The following RAB40C variants were observed in gnomAD, a reference collection of about 807,000 sequenced individuals.
RAB40C encodes RAB40C, member RAS oncogene family, also known as ras-related protein Rab-40C.
Under a neutral mutation model 28.1 loss-of-function variants are expected in RAB40C, and 8 were observed. The ratio of observed to expected loss-of-function variants is 0.28; its 90% CI spans 0.17 to 0.51. The LOEUF (loss-of-function observed/expected upper bound fraction) is 0.51, where lower values mean the gene tolerates loss of function less well. Among genes scored for constraint, RAB40C ranks in the 20% least tolerant of loss-of-function variants. The pLI is 0.97. For synonymous variants in RAB40C, 201 were observed against 171.7 expected, an observed-to-expected ratio of 1.17 and a Z score of -1.34; for missense variants, 288 against 405.9, an observed-to-expected ratio of 0.71 and a Z score of 2.50.
intron 1 of RAB40C, among the ~76,000 whole-genome samples, chr16:604,935 G>A (rs955876105): frequency 1.3e-5 from 2 of 152,116 alleles, no homozygotes; most frequent in South Asian, 2.1e-4. Flanking sequence ...GGTGGTGCTT[G>A]TGGTCCCAGT....
At chr16:590,493 C>T (rs2035967835) in intron 1 of RAB40C, 60 bp downstream of exon 1, 3 of 1,438,048 alleles carry the variant, frequency 2.1e-6, no homozygotes, top group African/African-American at 1.5e-5. Context: ...GAGCTGGGCA[C>T]GGAGCTCGCC....
chr16:598,786 G>A (rs2036187879), intron 1 of RAB40C, among the ~76,000 whole-genome samples: 1 of 152,078 alleles, frequency 6.6e-6, no homozygotes, highest in South Asian at 2.1e-4. Flanking sequence ...GAGAAGAGCT[G>A]AGTCCTGGAA....
intron 3 of RAB40C, 52 bp from the exon 4 acceptor site, chr16:625,380 G>A: frequency 6.3e-7 from 1 of 1,594,022 alleles, no homozygotes. Context: ...CCTGGGCCTG[G>A]GCTGGCCATG....
At chr16:608,890 A>C (rs1457583621) in intron 1 of RAB40C, among the ~76,000 whole-genome samples, 1 of 152,158 alleles carries the variant, frequency 6.6e-6, no homozygotes, top group Non-Finnish European at 1.5e-5. Context: ...CAAGGTGGGC[A>C]GATTGCTTGA....
intron 3 of RAB40C, among the ~76,000 whole-genome samples, chr16:620,360 G>T (rs1019067403): frequency 2.7e-5 from 4 of 147,780 alleles, no homozygotes; most frequent in Non-Finnish European, 2.9e-5. Context: ...GCCATTGCAC[G>T]CCAACCTGGG....
chr16:611,636 G>T (rs1250165806), intron 1 of RAB40C, among the ~76,000 whole-genome samples: 1 of 147,846 alleles, frequency 6.8e-6, no homozygotes, highest in African/African-American at 2.5e-5. Flanking sequence ...AGCAGGGACA[G>T]CCGCCCTGGC....
chr16:597,731 C>T (rs931823651), intron 1 of RAB40C, among the ~76,000 whole-genome samples: 2 of 150,792 alleles, frequency 1.3e-5, no homozygotes, highest in South Asian at 4.2e-4. Context: ...TCAAGCAATC[C>T]GCCCGCCTCA....
intron 3 of RAB40C, among the ~76,000 whole-genome samples, chr16:623,636 CAAAAAAA>C: frequency 1.0e-5 from 1 of 98,228 alleles, no homozygotes; most frequent in South Asian, 3.2e-4. Context: ...GACTCCGTCT[CAAAAAAA>C]AAAAAAAAAG....
intron 5 of RAB40C, among the ~76,000 whole-genome samples, chr16:626,739 A>G (rs1263246421): frequency 6.6e-6 from 1 of 152,174 alleles, no homozygotes; most frequent in Non-Finnish European, 1.5e-5. Flanking sequence ...GGACTTCGAG[A>G]CCAGCCTGGC....
chr16:628,338 TTC>T lies in RAB40C; in HGVS notation c.*717_*718del, dbSNP rs1567196651. On this transcript the variant is annotated 3_prime_UTR_variant, in exon 6 of 6. Transcript: ENST00000248139. ...AACCTTCCTGCTGTGATGTGACACC[TTC>T]GGGGACATTGACCACTCAAAACTCA... The T allele has an allele frequency of 2.6e-4, 38 of 143,920 alleles. No homozygotes were observed. Among genetic ancestry groups the T allele is most frequent in the African/African-American group, 1.0e-3 (35 of 34,230 alleles). The allele number at this position is 143,920 out of a possible 1,614,324, so 8.9% of individuals were successfully genotyped here. A position where few individuals can be genotyped will look rare whatever the true frequency, so the allele number is the denominator to read the frequency against.
At chr16:624,330 AC>A in intron 3 of RAB40C, 1 of 985,386 alleles carries the variant, frequency 1.0e-6, no homozygotes, top group Non-Finnish European at 1.2e-6. Flanking sequence ...TCCAGGGTTA[AC>A]CCCTGGGTGT....
At chr16:592,742 T>C (rs2036029455) in intron 1 of RAB40C, among the ~76,000 whole-genome samples, 3 of 152,236 alleles carry the variant, frequency 2.0e-5, no homozygotes, top group Non-Finnish European at 2.9e-5. Context: ...CAATCGGTGT[T>C]TTCCCAGGAC....
At chr16:609,379 C>T (rs928346032) in intron 1 of RAB40C, among the ~76,000 whole-genome samples, 4 of 152,098 alleles carry the variant, frequency 2.6e-5, no homozygotes, top group African/African-American at 9.7e-5. Flanking sequence ...CTGAGCAAGC[C>T]CCTCCTTGCC....
At chr16:590,717 G>A (rs1485693897) in intron 1 of RAB40C, among the ~76,000 whole-genome samples, 1 of 152,176 alleles carries the variant, frequency 6.6e-6, no homozygotes, top group African/African-American at 2.4e-5. Context: ...GATCTCAGGG[G>A]AAGGTGTCAT....
At chr16:591,897 A>G (rs2151056626) in intron 1 of RAB40C, among the ~76,000 whole-genome samples, 1 of 152,268 alleles carries the variant, frequency 6.6e-6, no homozygotes, top group African/African-American at 2.4e-5. Context: ...GCCTGGCCTG[A>G]ACGTTTGTTT....
At chr16:604,402 TTCTC>T (rs1449979186) in intron 1 of RAB40C, among the ~76,000 whole-genome samples, 2 of 152,212 alleles carry the variant, frequency 1.3e-5, no homozygotes, top group East Asian at 1.9e-4. Context: ...CTGAAGGTGT[TTCTC>T]TAGAATACAC....
chr16:627,517 C>T lies in RAB40C; in HGVS notation c.741C>T (p.Ala247=), dbSNP rs375833821. 58 of 1,613,572 alleles carry T rather than the reference C, an allele frequency of 3.6e-5. No individual in the cohort carries two copies. Among genetic ancestry groups the T allele is most frequent in the Middle Eastern group, 1.6e-4 (1 of 6,082 alleles). Residue 247 remains alanine (A), a synonymous_variant, in exon 6 of 6, where the codon GCC becomes GCT. Transcript: ENST00000248139. ...HGRSYSLASG[A]GGGGSKGNSL... ...GTTCCTACTCCCTGGCCAGCGGGGC[C>T]GGGGGCGGCGGCAGCAAGGGCAACA... is the stretch of plus-strand genomic sequence containing the variant.
intron 1 of RAB40C, among the ~76,000 whole-genome samples, chr16:613,380 G>C (rs991770471): frequency 2.0e-5 from 3 of 152,148 alleles, no homozygotes; most frequent in African/African-American, 7.2e-5. Flanking sequence ...TTGAAGAGCA[G>C]GGACTGCCGC....
At position 617,196 on chromosome 16, in the gene RAB40C, G is replaced by T; in HGVS notation, c.143-12G>T. 1 of 1,613,458 alleles carries T rather than the reference G, an allele frequency of 6.2e-7. No homozygotes were observed. Among genetic ancestry groups the T allele is most frequent in the African/African-American group, 1.3e-5 (1 of 75,066 alleles). On this transcript the variant is annotated splice_polypyrimidine_tract_variant and intron_variant, in intron 1 of 5. Transcript: ENST00000248139. ...GTGGCGCGTCCCCTCAGCGCCCTGTGCTTCCTCGCAGGGATCGACTACAAG... is the reference window on the plus strand; with the variant it reads ...GTGGCGCGTCCCCTCAGCGCCCTGTTCTTCCTCGCAGGGATCGACTACAAG...
Sources: gnomAD v4.1 joint callset for allele counts (sites outside exome capture counted in the v4.1 genomes callset) on GRCh38, gnomAD v4.1.1 for gene constraint, MANE v1.5 for transcripts, NCBI Gene and HGNC (gene_info 2026-07-23, HGNC 2026-07-21) for gene names.